The following GPC6 variants were observed in gnomAD, a reference collection of about 807,000 sequenced individuals.
GPC6 encodes the protein glypican-6.
A neutral mutation model predicts 55.2 loss-of-function variants in GPC6; 14 were observed. That is an observed-to-expected ratio of 0.25 (90% CI 0.17 to 0.40). GPC6 has a LOEUF of 0.40. Among genes scored for constraint, GPC6 ranks in the 10% least tolerant of loss-of-function variants. The probability of loss-of-function intolerance (pLI) is 1.00; values close to 1 mark genes in which losing one functional copy is unlikely to be tolerated. For synonymous variants in GPC6, 278 were observed against 259.6 expected (o/e 1.07, Z -0.68); for missense variants, 641 against 708.5 (o/e 0.90, Z 1.08).
chr13:93,993,456 G>A (rs542161220), intron 3 of GPC6, among the ~76,000 whole-genome samples: 32 of 151,690 alleles, frequency 2.1e-4, no homozygotes, highest in Admixed American at 5.3e-4. Flanking sequence ...ACCACACCCC[G>A]GTAATTTTTT....
chr13:94,248,983 C>T (rs979159806), intron 4 of GPC6, among the ~76,000 whole-genome samples: 1 of 152,036 alleles, frequency 6.6e-6, no homozygotes, highest in African/African-American at 2.4e-5. Flanking sequence ...TGCATATTTT[C>T]CATATTGTCA....
At chr13:94,252,854 T>C (rs544857067) in intron 4 of GPC6, among the ~76,000 whole-genome samples, 1 of 151,794 alleles carries the variant, frequency 6.6e-6, no homozygotes, top group East Asian at 1.9e-4. Flanking sequence ...CTCAAGGATA[T>C]GATAGGCTCT....
At chr13:93,610,767 C>G (rs775242128) in intron 2 of GPC6, among the ~76,000 whole-genome samples, 2 of 152,050 alleles carry the variant, frequency 1.3e-5, no homozygotes, top group African/African-American at 2.4e-5. Context: ...GGATAATGCA[C>G]TGTGATTTTT....
At chr13:94,078,248 T>G (rs555618698) in intron 4 of GPC6, among the ~76,000 whole-genome samples, 1 of 151,794 alleles carries the variant, frequency 6.6e-6, no homozygotes, top group African/African-American at 2.4e-5. Context: ...GCAAAACATA[T>G]GGGATGCAAC....
At chr13:94,062,199 A>C (rs961411688) in intron 4 of GPC6, among the ~76,000 whole-genome samples, 11 of 152,220 alleles carry the variant, frequency 7.2e-5, no homozygotes, top group African/African-American at 2.4e-4. Context: ...CAGATTATTT[A>C]GTAACTATGT....
At chr13:94,212,650 A>G (rs1890114315) in intron 4 of GPC6, among the ~76,000 whole-genome samples, 1 of 152,174 alleles carries the variant, frequency 6.6e-6, no homozygotes, top group African/African-American at 2.4e-5. Context: ...AACCTTGTCC[A>G]TTGATGTCAG....
chr13:93,812,141 G>GT (rs1338061019), intron 2 of GPC6, among the ~76,000 whole-genome samples: 1 of 124,736 alleles, frequency 8.0e-6, no homozygotes, highest in Admixed American at 8.3e-5. Context: ...GTGCAAGGCG[G>GT]TGGGGGGGGG....
chr13:93,597,439 A>G (rs1201933942), intron 2 of GPC6, among the ~76,000 whole-genome samples: 1 of 152,196 alleles, frequency 6.6e-6, no homozygotes, highest in Non-Finnish European at 1.5e-5. Context: ...AGAACTAAGA[A>G]GGTGAGGGAG....
intron 2 of GPC6, among the ~76,000 whole-genome samples, chr13:93,691,797 A>G (rs1264086033): frequency 1.3e-5 from 2 of 152,108 alleles, no homozygotes; most frequent in East Asian, 3.9e-4. Flanking sequence ...AAAGGATCTT[A>G]TATGCCGTGA....
chr13:93,902,054 C>T (rs1876387723), intron 3 of GPC6, among the ~76,000 whole-genome samples: 1 of 151,924 alleles, frequency 6.6e-6, no homozygotes, highest in South Asian at 2.1e-4. Flanking sequence ...TTTATAATTT[C>T]CTTGTGATGA....
chr13:93,874,029 A>G (rs974783122), intron 3 of GPC6, among the ~76,000 whole-genome samples: 63 of 151,882 alleles, frequency 4.1e-4, no homozygotes, highest in Admixed American at 2.6e-4. Context: ...TACACTTGGC[A>G]ATGCATTGTC....
chr13:93,251,903 C>T (rs544389345), intron 1 of GPC6, among the ~76,000 whole-genome samples: 8 of 152,238 alleles, frequency 5.3e-5, no homozygotes, highest in Non-Finnish European at 1.0e-4. Context: ...CATTTACTTT[C>T]TTTTTTTGGT....
chr13:94,180,825 A>G (rs1453905059), intron 4 of GPC6, among the ~76,000 whole-genome samples: 1 of 152,198 alleles, frequency 6.6e-6, no homozygotes, highest in Non-Finnish European at 1.5e-5. Flanking sequence ...TGTATCATCT[A>G]AATTCAAGGT....
chr13:93,429,709 G>A (rs1027271988), intron 1 of GPC6, among the ~76,000 whole-genome samples: 3 of 152,174 alleles, frequency 2.0e-5, no homozygotes, highest in Admixed American at 1.3e-4. Context: ...AGTTGAATTC[G>A]CAGTATTATT....
At chr13:93,228,262 G>C (rs1010630923) in intron 1 of GPC6, among the ~76,000 whole-genome samples, 1 of 152,214 alleles carries the variant, frequency 6.6e-6, no homozygotes, top group Non-Finnish European at 1.5e-5. Flanking sequence ...GCCTGTTTCA[G>C]ATGTGGGGCG....
chr13:93,848,428 A>G (rs1389627374), intron 3 of GPC6, among the ~76,000 whole-genome samples: 1 of 151,750 alleles, frequency 6.6e-6, no homozygotes, highest in East Asian at 1.9e-4. Context: ...CTACATCTCA[A>G]TCACCCCAAG....
At chr13:94,169,514 T>A (rs533317138) in intron 4 of GPC6, among the ~76,000 whole-genome samples, 2 of 152,120 alleles carry the variant, frequency 1.3e-5, no homozygotes, top group South Asian at 4.2e-4. Context: ...TCTGGAAGAT[T>A]AAAAGGACAG....
chr13:93,244,064 G>A (rs9556274), intron 1 of GPC6, among the ~76,000 whole-genome samples: 40,088 of 151,890 alleles, frequency 0.26, 5,477 homozygotes, highest in African/African-American at 0.35. Flanking sequence ...TGGCTCCCTA[G>A]GTGTGAGTGC....
At chr13:93,555,156 C>T (rs1875389754) in intron 2 of GPC6, among the ~76,000 whole-genome samples, 1 of 152,122 alleles carries the variant, frequency 6.6e-6, no homozygotes, top group South Asian at 2.1e-4. Flanking sequence ...AAGAATAGTT[C>T]TGTGGTCATT....
Sources: allele counts gnomAD v4.1 joint callset (sites outside exome capture counted in the v4.1 genomes callset), GRCh38; gene constraint gnomAD v4.1.1; transcripts MANE v1.5; gene names NCBI Gene and HGNC (gene_info 2026-07-23, HGNC 2026-07-21).